The following ZFHX3 variants were observed in gnomAD, a reference collection of about 807,000 sequenced individuals.
ZFHX3 encodes the protein zinc finger homeobox protein 3.
A neutral mutation model predicts 279.1 loss-of-function variants in ZFHX3; 42 were observed. The observed-to-expected ratio is 0.15, with a 90% CI of 0.12 to 0.19. The LOEUF is 0.19. Ranked by LOEUF, ZFHX3 falls within the 10% of genes least tolerant of loss-of-function variation. The pLI is 1.00. For missense variants in ZFHX3, 4,981 were observed against 4,754.0 expected (o/e 1.05, Z -1.40); for synonymous variants, 2,293 against 1,957.8 (o/e 1.17, Z -4.52).
intron 1 of ZFHX3, among the ~76,000 whole-genome samples, chr16:73,010,090 A>C (rs1963861651): frequency 2.0e-5 from 3 of 151,072 alleles, no homozygotes; most frequent in Admixed American, 1.3e-4. Context: ...GCATCAGAAC[A>C]CCCACGGAGG....
intron 3 of ZFHX3, among the ~76,000 whole-genome samples, chr16:73,377,401 T>C (rs572846422): frequency 2.1e-4 from 32 of 152,214 alleles, no homozygotes; most frequent in Non-Finnish European, 1.0e-4. Context: ...GCCACAGTGA[T>C]TAAGACAGTA....
At chr16:73,268,321 C>T (rs1378794852) in intron 4 of ZFHX3, among the ~76,000 whole-genome samples, 1 of 152,092 alleles carries the variant, frequency 6.6e-6, no homozygotes, top group Non-Finnish European at 1.5e-5. Context: ...TGCACTATTC[C>T]CCTCAAACTC....
At chr16:73,104,718 T>A in intron 7 of ZFHX3, among the ~76,000 whole-genome samples, 1 of 152,176 alleles carries the variant, frequency 6.6e-6, no homozygotes, top group Non-Finnish European at 1.5e-5. Context: ...TCGGTTGACT[T>A]CAGGTATAGG....
In ZFHX3 at chr16:72,958,377, A is replaced by G. The variant is rs760470487; in HGVS notation, c.1769T>C (p.Phe590Ser). The G allele has an allele frequency of 6.2e-7, 1 of 1,614,126 alleles. No homozygotes were observed. Among genetic ancestry groups the G allele is most frequent in the Non-Finnish European group, 8.5e-7 (1 of 1,179,996 alleles). ...GTCTTTATTGGCACTTTCGTCAGCG[A>G]AGTCCAGCCTCCTGCCGCCCTCTGC... The part of the protein sequence containing the change: ...NVAEGGRRLD[F>S]ADESANKDNA... The change falls in exon 2 of 10, where the codon TTC becomes TCC. Residue 590 changes from phenylalanine (F) to serine (S), a missense_variant. Transcript: ENST00000268489.
intron 8 of ZFHX3, among the ~76,000 whole-genome samples, chr16:73,078,194 A>G (rs1192075310): frequency 6.6e-6 from 1 of 152,212 alleles, no homozygotes; most frequent in Admixed American, 6.5e-5. Flanking sequence ...CTCATTGTTT[A>G]TTTGTCTTAA....
chr16:73,476,784 C>T (rs2018773469), intron 2 of ZFHX3, among the ~76,000 whole-genome samples: 1 of 152,150 alleles, frequency 6.6e-6, no homozygotes, highest in Admixed American at 6.5e-5. Flanking sequence ...GTTAAACTAA[C>T]AAGTTCATTA....
rs111311915 is a variant in ZFHX3, at chr16:72,815,741, A to G, written c.3530-3703T>C. Among the ~76,000 whole-genome samples, 1,397 of 152,352 alleles carry G rather than the reference A, an allele frequency of 9.2e-3. 13 individuals are homozygous for G. The highest frequency in any genetic ancestry group is 0.054 in the Middle Eastern group (16 of 294). On this transcript the variant is annotated intron_variant, in intron 5 of 9. Coordinates refer to ENST00000268489, the MANE Select transcript of ZFHX3 (RefSeq NM_006885.4). ...CACTTTAAGCCTGCGATGATGTCAC[A>G]TAAGTGAAATGGAAATACATGCACT...
chr16:73,069,730 A>C (rs1965799973), intron 8 of ZFHX3, among the ~76,000 whole-genome samples: 1 of 152,220 alleles, frequency 6.6e-6, no homozygotes, highest in Admixed American at 6.5e-5. Flanking sequence ...ACTGCATCTT[A>C]GGAACCCACT....
At chr16:73,804,993 A>G in intron 1 of ZFHX3, among the ~76,000 whole-genome samples, 1 of 146,834 alleles carries the variant, frequency 6.8e-6, no homozygotes, top group African/African-American at 2.7e-5. Context: ...AGACTCATAT[A>G]TTTATTATAT....
intron 4 of ZFHX3, among the ~76,000 whole-genome samples, chr16:72,852,105 A>C (rs1597310727): frequency 6.6e-6 from 1 of 152,350 alleles, no homozygotes; most frequent in East Asian, 1.9e-4. Flanking sequence ...TCTAAAACAA[A>C]ATATAGAAAC....
intron 3 of ZFHX3, chr16:73,421,437 A>G (rs1006501281): frequency 6.6e-6 from 1 of 152,230 alleles, no homozygotes; most frequent in Admixed American, 6.5e-5. Context: ...TGCTAACAAG[A>G]CGTGAACTGA....
intron 3 of ZFHX3, among the ~76,000 whole-genome samples, chr16:72,914,232 A>C (rs2039387533): frequency 6.6e-6 from 1 of 152,174 alleles, no homozygotes; most frequent in South Asian, 2.1e-4. Flanking sequence ...GAGGCCCAAC[A>C]AAACCAAGAT....
At chr16:73,292,661 C>A (rs966370013) in intron 4 of ZFHX3, among the ~76,000 whole-genome samples, 2 of 151,882 alleles carry the variant, frequency 1.3e-5, no homozygotes, top group African/African-American at 4.9e-5. Context: ...GGTGCGAATG[C>A]TTCCTACTGT....
In ZFHX3 at chr16:73,684,710, T is replaced by C. The variant is rs964108473; in HGVS notation, c.-1607-4470A>G. ...CACAAGGGTCCTTTTTTTTTTTTTT[T>C]TTTTTTTGGAGATGGAGTCTTGCTC... On this transcript the variant is annotated intron_variant, in intron 1 of 17. Coordinates refer to the ZFHX3 transcript ENST00000641206. 1.1e-3 allele frequency among the ~76,000 whole-genome samples: 116 copies of C among 101,288 alleles called. No homozygotes were observed. The South Asian group carries it at 0.015, about 13-fold the overall frequency. The allele number at this position is 101,288 out of a possible 152,430, so 66.4% of individuals were successfully genotyped here. A position where few individuals can be genotyped will look rare whatever the true frequency, so the allele number is the denominator to read the frequency against.
chr16:72,977,443 G>A (rs1962397709), intron 1 of ZFHX3, among the ~76,000 whole-genome samples: 1 of 152,152 alleles, frequency 6.6e-6, no homozygotes, highest in African/African-American at 2.4e-5. Flanking sequence ...GGGGAATGCT[G>A]CAGAGAGGGG....
intron 3 of ZFHX3, among the ~76,000 whole-genome samples, chr16:73,320,936 C>T (rs1380493629): frequency 1.3e-5 from 2 of 152,178 alleles, no homozygotes; most frequent in Non-Finnish European, 2.9e-5. Flanking sequence ...AGAGATCCTA[C>T]CAGCACAGGG....
At chr16:73,046,924 A>G (rs562234862) in intron 1 of ZFHX3, among the ~76,000 whole-genome samples, 9 of 152,096 alleles carry the variant, frequency 5.9e-5, no homozygotes, top group African/African-American at 2.2e-4. Flanking sequence ...ACCCTCCTGG[A>G]TTCACCTGCT....
At chr16:73,264,396 G>A (rs938102847) in intron 4 of ZFHX3, among the ~76,000 whole-genome samples, 3 of 151,864 alleles carry the variant, frequency 2.0e-5, no homozygotes, top group African/African-American at 7.3e-5. Flanking sequence ...TCCAACTTTA[G>A]GAGTCTTTTC....
intron 1 of ZFHX3, among the ~76,000 whole-genome samples, chr16:73,732,913 A>C (rs1410798520): frequency 6.6e-6 from 1 of 152,192 alleles, no homozygotes; most frequent in Non-Finnish European, 1.5e-5. Context: ...GGAGAAGTGG[A>C]AAGTTACAGC....
Sources: allele counts gnomAD v4.1 joint callset (sites outside exome capture counted in the v4.1 genomes callset), GRCh38; gene constraint gnomAD v4.1.1; transcripts MANE v1.5; gene names NCBI Gene and HGNC (gene_info 2026-07-23, HGNC 2026-07-21).